The following DAB1 variants were observed in gnomAD, a reference collection of about 807,000 sequenced individuals.
DAB1 encodes disabled homolog 1.
Under a neutral mutation model 64.6 loss-of-function variants are expected in DAB1, and 15 were observed. The ratio of observed to expected loss-of-function variants is 0.23; its 90% CI spans 0.16 to 0.36. The LOEUF (loss-of-function observed/expected upper bound fraction) is 0.36. DAB1 is among the 10% of genes least tolerant of loss of function. The probability of loss-of-function intolerance (pLI) is 1.00; values close to 1 mark genes in which losing one functional copy is unlikely to be tolerated. For missense variants in DAB1, 596 were observed against 706.7 expected (o/e 0.84, Z 1.78); for synonymous variants, 235 against 251.9 (o/e 0.93, Z 0.64).
intron 3 of DAB1, among the ~76,000 whole-genome samples, chr1:58,423,949 T>A (rs1305235571): frequency 6.6e-6 from 1 of 152,202 alleles, no homozygotes; most frequent in Non-Finnish European, 1.5e-5. Flanking sequence ...AAGGAAAGGA[T>A]CTAAGAGAGA....
At chr1:57,317,091 TGCCATATTTGTGA>T (rs1400989256) in intron 1 of DAB1, among the ~76,000 whole-genome samples, 1 of 152,200 alleles carries the variant, frequency 6.6e-6, no homozygotes, top group African/African-American at 2.4e-5. Context: ...GGAAGCCAGC[TGCCATATTTGTGA>T]GCCACCCTAT....
chr1:57,326,669 A>AG (rs1226194433), intron 1 of DAB1, among the ~76,000 whole-genome samples: 1 of 152,202 alleles, frequency 6.6e-6, no homozygotes, highest in Non-Finnish European at 1.5e-5. Flanking sequence ...GTTCCTGATG[A>AG]GGGTCTTTTT....
intron 9 of DAB1, among the ~76,000 whole-genome samples, chr1:57,035,703 T>C (rs1647119770): frequency 6.6e-6 from 1 of 152,078 alleles, no homozygotes; most frequent in African/African-American, 2.4e-5. Flanking sequence ...TCATGGCAAG[T>C]TTATTGAGCA....
intron 2 of DAB1, among the ~76,000 whole-genome samples, chr1:57,273,383 G>A (rs1671166720): frequency 6.6e-6 from 1 of 152,008 alleles, no homozygotes; most frequent in Non-Finnish European, 1.5e-5. Flanking sequence ...GACAAAGCAG[G>A]GCAGGATTCT....
At chr1:58,188,799 G>C (rs757888446) in intron 4 of DAB1, among the ~76,000 whole-genome samples, 52 of 152,278 alleles carry the variant, frequency 3.4e-4, no homozygotes, top group Non-Finnish European at 6.3e-4. Context: ...CACTGATTAT[G>C]CTTTGTTTTT....
chr1:58,107,908 C>T (rs373603903), intron 5 of DAB1, among the ~76,000 whole-genome samples: 1 of 152,088 alleles, frequency 6.6e-6, no homozygotes, highest in Admixed American at 6.5e-5. Flanking sequence ...TGAGCCACTG[C>T]ACCCAGCCAA....
rs990133486 is a variant in DAB1, at chr1:57,179,572, G to A, written c.68-34143C>T. Among the ~76,000 whole-genome samples the A allele has an allele frequency of 2.6e-5, 4 of 151,894 alleles. No homozygotes were observed. The East Asian group carries it at 5.8e-4, about 22-fold the overall frequency. On this transcript the variant is annotated intron_variant, in intron 2 of 14. Coordinates refer to ENST00000371236, the MANE Select transcript of DAB1 (RefSeq NM_001365792.1). ...CGTCTCCATTTCAGATTCATTCTTGGGCCTTTAGCTGCATTTATTGAAAAG... is the reference window on the plus strand; with the variant it reads ...CGTCTCCATTTCAGATTCATTCTTGAGCCTTTAGCTGCATTTATTGAAAAG...
chr1:57,979,741 T>A (rs983245509), intron 5 of DAB1, among the ~76,000 whole-genome samples: 12 of 152,168 alleles, frequency 7.9e-5, no homozygotes, highest in Non-Finnish European at 1.8e-4. Flanking sequence ...CCCACCTAAG[T>A]CTCATTTTAC....
rs10572319 is a variant in DAB1, at chr1:57,353,114, T to TACACACAC, written c.-136-61956_-136-61949dup. ...TTCCATATATATATATTTTTTTCCA[T>TACACACAC]ACACACACACACACACACACACACA... is the stretch of plus-strand genomic sequence containing the variant. On this transcript the variant is annotated intron_variant, in intron 1 of 14. Coordinates refer to ENST00000371236, the MANE Select transcript of DAB1 (RefSeq NM_001365792.1). 5.4e-3 allele frequency among the ~76,000 whole-genome samples: 781 copies of TACACACAC among 145,622 alleles called. 7 individuals carry two copies. The highest frequency in any genetic ancestry group is 0.017 in the African/African-American group (683 of 39,326).
intron 4 of DAB1, among the ~76,000 whole-genome samples, chr1:57,135,066 C>T (rs562169538): frequency 1.3e-5 from 2 of 152,228 alleles, no homozygotes; most frequent in African/African-American, 4.8e-5. Flanking sequence ...CTCAATAATG[C>T]GAGTTACACC....
chr1:58,212,106 G>A (rs185609351), intron 4 of DAB1, among the ~76,000 whole-genome samples: 1 of 152,276 alleles, frequency 6.6e-6, no homozygotes, highest in African/African-American at 2.4e-5. Flanking sequence ...ACCTCCATTG[G>A]TGTTTAATGA....
At chr1:57,254,441 G>C (rs1371133387) in intron 2 of DAB1, among the ~76,000 whole-genome samples, 1 of 152,198 alleles carries the variant, frequency 6.6e-6, no homozygotes, top group Non-Finnish European at 1.5e-5. Context: ...ATCCTTCACT[G>C]GTGTGAAATG....
chr1:58,522,429 A>C (rs7536984), intron 2 of DAB1, among the ~76,000 whole-genome samples: 16,392 of 152,222 alleles, frequency 0.11, 1,012 homozygotes, highest in Middle Eastern at 0.16. Flanking sequence ...TCATTTGATA[A>C]AAAAGTATCT....
At chr1:57,728,362 G>A (rs1172732239) in intron 6 of DAB1, among the ~76,000 whole-genome samples, 4 of 152,112 alleles carry the variant, frequency 2.6e-5, no homozygotes, top group Non-Finnish European at 4.4e-5. Flanking sequence ...GGGAGGCCAC[G>A]GCAGGCAGAT....
chr1:57,705,477 T>C (rs1357706060), intron 6 of DAB1, among the ~76,000 whole-genome samples: 2 of 152,178 alleles, frequency 1.3e-5, no homozygotes, highest in Non-Finnish European at 2.9e-5. Context: ...ATTAAAAATA[T>C]ATTTCTCCTT....
intron 7 of DAB1, among the ~76,000 whole-genome samples, chr1:57,572,404 C>A (rs1165843756): frequency 1.3e-5 from 2 of 152,166 alleles, no homozygotes; most frequent in Non-Finnish European, 1.5e-5. Context: ...TTGATGCAAG[C>A]ACATACCCAA....
At chr1:57,611,755 C>T (rs952643) in intron 7 of DAB1, among the ~76,000 whole-genome samples, 34,213 of 152,172 alleles carry the variant, frequency 0.22, 4,238 homozygotes, top group East Asian at 0.33. Flanking sequence ...CAGCCCCTAG[C>T]AGGCCTTGCT....
At chr1:58,382,899 G>A (rs77802395) in intron 3 of DAB1, among the ~76,000 whole-genome samples, 28,206 of 152,118 alleles carry the variant, frequency 0.19, 2,763 homozygotes, top group South Asian at 0.21. Flanking sequence ...TGTCACCTGA[G>A]TGATCACACT....
chr1:58,367,918 C>A, intron 3 of DAB1, among the ~76,000 whole-genome samples: 1 of 152,140 alleles, frequency 6.6e-6, no homozygotes. Context: ...GGGGATGACT[C>A]CTTTCAGTGT....
Sources: gnomAD v4.1 joint callset for allele counts (sites outside exome capture counted in the v4.1 genomes callset) on GRCh38, gnomAD v4.1.1 for gene constraint, MANE v1.5 for transcripts, NCBI Gene and HGNC (gene_info 2026-07-23, HGNC 2026-07-21) for gene names.